DOCK2: variants seen among roughly 807,000 people sequenced by gnomAD.
The protein encoded by DOCK2 is dedicator of cytokinesis protein 2.
In DOCK2, 87 loss-of-function variants were observed where a neutral mutation model predicts 248.9. The observed-to-expected ratio is 0.35, with a 90% confidence interval of 0.29 to 0.42. DOCK2 has a LOEUF of 0.42. Among genes scored for constraint, DOCK2 ranks in the 10% least tolerant of loss-of-function variants. The pLI is 1.00. For synonymous variants in DOCK2, 805 were observed against 821.6 expected (o/e 0.98, Z 0.35); for missense variants, 1,747 against 2,300.2 (o/e 0.76, Z 4.92).
At chr5:169,826,614 T>G (rs540236330) in intron 26 of DOCK2, among the ~76,000 whole-genome samples, 1 of 152,130 alleles carries the variant, frequency 6.6e-6, no homozygotes, top group Non-Finnish European at 1.5e-5. Flanking sequence ...CCAAGAGTGG[T>G]TGGTCTGACT....
At chr5:169,864,185 A>G (rs910821293) in intron 27 of DOCK2, 1 of 1,222,880 alleles carries the variant, frequency 8.2e-7, no homozygotes, top group Non-Finnish European at 1.2e-6. Context: ...GGCCTTTGCA[A>G]AGAAGCAGGG....
At chr5:169,643,007 C>T (rs1757233020) in intron 1 of DOCK2, among the ~76,000 whole-genome samples, 1 of 151,994 alleles carries the variant, frequency 6.6e-6, no homozygotes, top group Admixed American at 6.6e-5. Context: ...AGCATATGTT[C>T]TGCAAATGGG....
At chr5:169,940,079 G>T (rs115280224) in intron 27 of DOCK2, among the ~76,000 whole-genome samples, 1 of 152,196 alleles carries the variant, frequency 6.6e-6, no homozygotes, top group Non-Finnish European at 1.5e-5. Flanking sequence ...TGACGGCTGT[G>T]GGTGGGGAGA....
intron 34 of DOCK2, among the ~76,000 whole-genome samples, chr5:170,028,771 G>GCT (rs1561888203): frequency 6.7e-6 from 1 of 149,626 alleles, no homozygotes; most frequent in Non-Finnish European, 1.5e-5. Flanking sequence ...ACACACACGC[G>GCT]TGCGCACACA....
chr5:169,714,526 G>A, intron 19 of DOCK2, 69 bp downstream of exon 19: 2 of 1,556,924 alleles, frequency 1.3e-6, no homozygotes, highest in Non-Finnish European at 1.8e-6. Flanking sequence ...GTGGCTTCAG[G>A]GGAAAAACAA....
At chr5:169,669,240 C>A in intron 2 of DOCK2, 48 bp from the exon 3 acceptor site, 2 of 1,609,456 alleles carry the variant, frequency 1.2e-6, no homozygotes, top group East Asian at 2.2e-5. Context: ...ACACTAGCAA[C>A]AAACTTGTAA....
intron 8 of DOCK2, among the ~76,000 whole-genome samples, chr5:169,685,550 A>G (rs969771666): frequency 2.0e-5 from 3 of 152,240 alleles, no homozygotes; most frequent in East Asian, 1.9e-4. Context: ...AGAGGCACAC[A>G]TTAGAAAAGA....
chr5:169,828,498 G>A (rs1769018070), intron 26 of DOCK2, among the ~76,000 whole-genome samples: 1 of 152,176 alleles, frequency 6.6e-6, no homozygotes, highest in Non-Finnish European at 1.5e-5. Context: ...TTGATTTGGG[G>A]AAACCCTGCT....
intron 1 of DOCK2, among the ~76,000 whole-genome samples, chr5:169,643,983 G>A (rs894785101): frequency 6.6e-6 from 1 of 152,164 alleles, no homozygotes; most frequent in East Asian, 1.9e-4. Context: ...CCTGGCGGTG[G>A]CAGTCAGGGA....
At chr5:169,945,222 C>A (rs1181185724) in intron 27 of DOCK2, among the ~76,000 whole-genome samples, 3 of 152,242 alleles carry the variant, frequency 2.0e-5, no homozygotes, top group African/African-American at 7.2e-5. Context: ...GAAAGTCATG[C>A]AACCTCTCCA....
chr5:169,895,541 TG>T (rs1773548391), intron 27 of DOCK2, among the ~76,000 whole-genome samples: 2 of 152,062 alleles, frequency 1.3e-5, no homozygotes, highest in South Asian at 2.1e-4. Flanking sequence ...CCTCTTCTTT[TG>T]GGGGTAGGAT....
chr5:169,686,929 G>A (rs751792195), intron 8 of DOCK2, among the ~76,000 whole-genome samples: 10 of 152,116 alleles, frequency 6.6e-5, no homozygotes, highest in Non-Finnish European at 1.2e-4. Context: ...AGTACTCCTC[G>A]TTCCTCTGAG....
At chr5:169,898,824 G>A (rs1773760714) in intron 27 of DOCK2, among the ~76,000 whole-genome samples, 1 of 152,166 alleles carries the variant, frequency 6.6e-6, no homozygotes, top group Non-Finnish European at 1.5e-5. Context: ...ACAGGTAGCA[G>A]GCAAGATTTG....
rs755133897 is a variant in DOCK2 at position 170,065,132 on chromosome 5, G to A, written c.4468-2378G>A. On this transcript the variant is annotated intron_variant, in intron 44 of 51. Transcript: ENST00000520908. ...GAAACTTAAAACATGGGAGGAGAGG[G>A]AGTAAAATTGAAGTTTGTGTATGTG... Among the ~76,000 whole-genome samples, 12 of 152,120 alleles carry A rather than the reference G, an allele frequency of 7.9e-5. No individual in the cohort carries two copies. In the South Asian group the frequency reaches 1.0e-3, roughly 13 times the overall value.
intron 27 of DOCK2, among the ~76,000 whole-genome samples, chr5:169,900,568 C>T (rs1773865857): frequency 6.6e-6 from 1 of 152,174 alleles, no homozygotes; most frequent in African/African-American, 2.4e-5. Flanking sequence ...ACAAAGCAAA[C>T]CTAAATGTCG....
chr5:169,883,521 T>C lies in DOCK2; in HGVS notation c.2799+42669T>C, dbSNP rs745876931. 1.7e-5 allele frequency: 26 copies of C among 1,551,674 alleles called. 1 individual carries two copies. In the South Asian group the frequency reaches 3.1e-4, roughly 18 times the overall value. ...TGACCTGGATGGCACTTTGGGAGGC[T>C]GTTGGCATTTCCACCAGGGACTTAC... On this transcript the variant is annotated intron_variant, in intron 27 of 51. Coordinates refer to ENST00000520908, the MANE Select transcript of DOCK2 (RefSeq NM_004946.3).
In DOCK2 at chr5:169,840,795, G is replaced by C. The variant is rs761742890; in HGVS notation, c.2742G>C (p.Gln914His). 32 of 1,613,900 alleles carry C rather than the reference G, an allele frequency of 2.0e-5. No individual in the cohort carries two copies. The highest frequency in any genetic ancestry group is 2.6e-5 in the Non-Finnish European group (31 of 1,179,964). ...TYHHIQEIMV[Q>H]LLRTVNRTVI... ...ACCATATCCAGGAGATCATGGTCCA[G>C]CTGCTGCGGACAGTGAACCGGACAG... Residue 914 changes from glutamine (Q) to histidine (H), a missense_variant, in exon 27 of 52, where the codon CAG becomes CAC. Coordinates refer to ENST00000520908, the MANE Select transcript of DOCK2 (RefSeq NM_004946.3).
intron 19 of DOCK2, among the ~76,000 whole-genome samples, chr5:169,715,425 G>A (rs1472385371): frequency 1.3e-5 from 2 of 152,074 alleles, no homozygotes; most frequent in Non-Finnish European, 2.9e-5. Flanking sequence ...AGAAGCAGTG[G>A]CAGAATTTCC....
rs192097925 is a variant in DOCK2 at position 169,919,256 on chromosome 5, T to C, written c.2800-63812T>C. 2.6e-5 allele frequency among the ~76,000 whole-genome samples: 4 copies of C among 152,304 alleles called. No homozygotes were observed. In the East Asian group the frequency reaches 5.8e-4, roughly 22 times the overall value. ...GTTTTCCAGGGTCACACCATCGATA[T>C]GGGGCAGAGGTGGGGCCCAAATGAG... On this transcript the variant is annotated intron_variant, in intron 27 of 51. Coordinates refer to ENST00000520908, the MANE Select transcript of DOCK2 (RefSeq NM_004946.3).
Sources: allele counts gnomAD v4.1 joint callset (sites outside exome capture counted in the v4.1 genomes callset), GRCh38; gene constraint gnomAD v4.1.1; transcripts MANE v1.5; gene names NCBI Gene and HGNC (gene_info 2026-07-23, HGNC 2026-07-21).